The following TTN variants were observed in gnomAD, a reference collection of about 807,000 sequenced individuals.
TTN encodes the protein titin.
TTN carries 1,525 observed loss-of-function variants against 3,223.0 expected under a neutral mutation model. That is an observed-to-expected ratio of 0.47 (90% CI 0.45 to 0.49). The LOEUF is 0.49. TTN is among the 20% of genes least tolerant of loss of function. The pLI is 0.00. For synonymous variants in TTN, 14,094 were observed against 15,161.0 expected (o/e 0.93, Z 5.17); for missense variants, 40,786 against 43,424.0 (o/e 0.94, Z 5.40).
In TTN at chr2:178,553,825, A is replaced by G; in HGVS notation, c.89198-18T>C. On this transcript the variant is annotated intron_variant, in intron 333 of 362. Transcript: ENST00000589042. ...TGGAGGATCTGGAATGGCCATTCAC[A>G]ATAAAATAATTACACAATCATGTAC... The G allele has an allele frequency of 6.4e-7, 1 of 1,568,676 alleles. No individual in the cohort carries two copies. The highest frequency in any genetic ancestry group is 1.4e-5 in the African/African-American group (1 of 73,620).
chr2:178,730,249 C>T lies in TTN; in HGVS notation c.18151G>A (p.Glu6051Lys), dbSNP rs532089368. The T allele has an allele frequency of 1.2e-6, 2 of 1,613,282 alleles. No individual in the cohort carries two copies. Among genetic ancestry groups the T allele is most frequent in the Admixed American group, 3.3e-5 (2 of 59,928 alleles). The change falls in exon 62 of 363, where the codon GAG becomes AAG. Residue 6051 changes from glutamate to lysine, a missense_variant. Glu to Lys is a moderately conservative substitution (Grantham distance 56, BLOSUM62 1). Transcript: ENST00000589042. Reference protein sequence around the residue: ...MTIKWFKDNKELHSGAARSVW... With the variant: ...MTIKWFKDNKKLHSGAARSVW... ...GAGCGGGCTGCTCCTGAGTGTAACT[C>T]TTTGTTATCTTTAAACCACTTTATT...
At position 178,641,291 on chromosome 2, in the gene TTN, T is replaced by C; in HGVS notation, c.40583A>G (p.Glu13528Gly). The C allele has an allele frequency of 6.6e-7, 1 of 1,510,376 alleles. No homozygotes were observed. Among genetic ancestry groups the C allele is most frequent in the Non-Finnish European group, 8.8e-7 (1 of 1,130,554 alleles). 93.6% of individuals were successfully genotyped at this position (1,510,376 alleles called of 1,614,324 possible). A position where few individuals can be genotyped will look rare whatever the true frequency, so the allele number is the denominator to read the frequency against. ...TTTTTTAGGTTCTACTTTAGGTTCT[T>C]CTTCTTCAGGTCTTTTTCTTAGAAC... is the stretch of plus-strand genomic sequence containing the variant. ...KSVLRKRPEEEEPKVEPKKLE... is the reference protein window; with the variant it reads ...KSVLRKRPEEGEPKVEPKKLE... The change falls in exon 220 of 363, where the codon GAA (glutamate) becomes GGA (glycine). Residue 13528 changes from glutamate to glycine, a missense_variant. By Grantham distance (98) the Glu-to-Gly change is moderately conservative. Coordinates refer to ENST00000589042, the MANE Select transcript of TTN (RefSeq NM_001267550.2).
At position 178,594,114 on chromosome 2, in the gene TTN, C is replaced by T; in HGVS notation, c.58279G>A (p.Val19427Met). 6.2e-7 allele frequency: 1 copy of T among 1,613,430 alleles called. No homozygotes were observed. The highest frequency in any genetic ancestry group is 8.5e-7 in the Non-Finnish European group (1 of 1,179,626). ...KVSWFKDEAD[V>M]LEDDRTHIKT... ...ATATGAGTGCGATCATCTTCCAGCA[C>T]ATCAGCTTCATCTTTGAACCAGGAA... The change falls in exon 297 of 363, where the codon GTG (valine) becomes ATG (methionine). Residue 19427 changes from valine to methionine, a missense_variant. Physicochemically the swap from Val to Met is conservative, Grantham distance 21. Transcript: ENST00000589042.
chr2:178,806,021 A>G (rs1171180174), intron 1 of TTN, among the ~76,000 whole-genome samples: 1 of 152,168 alleles, frequency 6.6e-6, no homozygotes, highest in Non-Finnish European at 1.5e-5. Flanking sequence ...CAATCACTTC[A>G]TTACTATTTT....
At chr2:178,588,455 T>A in intron 304 of TTN, 83 bp downstream of exon 304, 1 of 1,406,354 alleles carries the variant, frequency 7.1e-7, no homozygotes, top group Non-Finnish European at 9.5e-7. Context: ...CAGATTTAGA[T>A]GTTACATTAA....
chr2:178,572,562 G>C lies in TTN; in HGVS notation c.73570C>G (p.Gln24524Glu). 6.2e-7 allele frequency: 1 copy of C among 1,613,466 alleles called. No individual in the cohort carries two copies. Among genetic ancestry groups the C allele is most frequent in the Non-Finnish European group, 8.5e-7 (1 of 1,179,616 alleles). Residue 24524 changes from glutamine (Q) to glutamate (E), a missense_variant, in exon 326 of 363, where the codon CAG becomes GAG. Coordinates refer to ENST00000589042, the MANE Select transcript of TTN (RefSeq NM_001267550.2). Reference sequence around the variant, plus strand: ...GTGACCTCTTTTACCTTCAGATCCTGTGGGGGGCCTGGTGTATCGAGAACT... The same window carrying C: ...GTGACCTCTTTTACCTTCAGATCCTCTGGGGGGCCTGGTGTATCGAGAACT... The part of the protein sequence containing the change: ...VRVLDTPGPP[Q>E]DLKVKEVTKT...
In TTN at chr2:178,805,287, T is replaced by G. The variant is rs1212600815; in HGVS notation, c.-13-632A>C. 3.6e-5 allele frequency among the ~76,000 whole-genome samples: 5 copies of G among 139,412 alleles called. No homozygotes were observed. In the East Asian group the frequency reaches 1.0e-3, roughly 29 times the overall value. The allele number at this position is 139,412 out of a possible 152,430, so 91.5% of individuals were successfully genotyped here. The stretch of plus-strand genomic sequence containing the variant: ...TAAACCCAGGAGGTGGAGGTTGCAG[T>G]GAGCAAAGATGGTGCCACCACACTC... On this transcript the variant is annotated intron_variant, in intron 1 of 362. Transcript: ENST00000589042.
rs752902445 is a variant in TTN at position 178,562,341 on chromosome 2, C to T, written c.83791G>A (p.Glu27931Lys). 29 of 1,611,338 alleles carry T rather than the reference C, an allele frequency of 1.8e-5. No homozygotes were observed. The highest frequency in any genetic ancestry group is 6.7e-5 in the Admixed American group (4 of 59,728). Residue 27931 changes from glutamate (E) to lysine (K), a missense_variant, in exon 326 of 363, where the codon GAG becomes AAG. Physicochemically the swap from Glu to Lys is moderately conservative, Grantham distance 56. Transcript: ENST00000589042. ...ATISGLTAGE[E>K]YVFRVAAVNE... ...ACTGCAGCTACCCTGAAGACATACT[C>T]TTCTCCTGCAGTTAAGCCAGATATA... is the stretch of plus-strand genomic sequence containing the variant.
intron 217 of TTN, 45 bp from the exon 218 acceptor site, chr2:178,644,661 T>G: frequency 7.2e-7 from 1 of 1,385,934 alleles, no homozygotes; most frequent in Non-Finnish European, 9.7e-7. Context: ...ATATTTAATC[T>G]GAAGCAAGTG....
rs769574243 is a variant in TTN at position 178,583,895 on chromosome 2, T to C, written c.65287A>G (p.Lys21763Glu). The change falls in exon 312 of 363, where the codon AAA (lysine) becomes GAA (glutamate). Residue 21763 changes from lysine (K) to glutamate (E), a missense_variant. Coordinates refer to ENST00000589042, the MANE Select transcript of TTN (RefSeq NM_001267550.2). Reference sequence around the variant, plus strand: ...TTGGTGACATCAATAACCTCAGGTTTCCCAGGAGGATCTAAAACAAAAAGA... The same window carrying C: ...TTGGTGACATCAATAACCTCAGGTTCCCCAGGAGGATCTAAAACAAAAAGA... ...TARMPVDPPGKPEVIDVTKST... is the reference protein window; with the variant it reads ...TARMPVDPPGEPEVIDVTKST... 1 of 1,573,800 alleles carries C rather than the reference T, an allele frequency of 6.4e-7. No individual in the cohort carries two copies. Among genetic ancestry groups the C allele is most frequent in the Non-Finnish European group, 8.6e-7 (1 of 1,156,284 alleles).
At position 178,587,585 on chromosome 2, in the gene TTN, C is replaced by A; in HGVS notation, c.63724G>T (p.Gly21242Ter). ...TTCACAAGTGTTAAGGAATATTTTC[C>A]TGAGTCATCACGGGTAGAATTGGGG... The part of the protein sequence containing the change: ...VIPNSTRDDS[G>*]KYSLTLVNPA... The change falls in exon 306 of 363, where the codon GGA (glycine) becomes TGA (stop). Residue 21242 changes from glycine (G) to a stop codon, truncating the protein, a stop_gained. Coordinates refer to ENST00000589042, the MANE Select transcript of TTN (RefSeq NM_001267550.2). LOFTEE classifies it high-confidence loss of function. 6.2e-7 allele frequency: 1 copy of A among 1,612,488 alleles called. No homozygotes were observed. The highest frequency in any genetic ancestry group is 8.5e-7 in the Non-Finnish European group (1 of 1,179,300).
rs188542738 is a variant in TTN, at chr2:178,616,367, T to C, written c.48312+112A>G. ...TTAAAAAGTTTTTGTACATTTTCAGTGAGGTAAAGGTAAGAAGTTGTAGCA... is the reference window on the plus strand; with the variant it reads ...TTAAAAAGTTTTTGTACATTTTCAGCGAGGTAAAGGTAAGAAGTTGTAGCA... On this transcript the variant is annotated intron_variant, in intron 257 of 362. Coordinates refer to ENST00000589042, the MANE Select transcript of TTN (RefSeq NM_001267550.2). 1.6e-5 allele frequency: 23 copies of C among 1,424,438 alleles called. No individual in the cohort carries two copies. In the Admixed American group the frequency reaches 3.7e-4, roughly 23 times the overall value. 88.2% of individuals were successfully genotyped at this position (1,424,438 alleles called of 1,614,324 possible).
Position 178,545,358 on chromosome 2 carries a change from T to G in TTN, c.95722+30A>C, listed in dbSNP as rs766943827. Reference sequence around the variant, plus strand: ...ATCTGTCATATAGTTTTGAGGAGCATTGTATTTATGTATGATTCTTGGAGC... The same window carrying G: ...ATCTGTCATATAGTTTTGAGGAGCAGTGTATTTATGTATGATTCTTGGAGC... On this transcript the variant is annotated intron_variant, in intron 344 of 362. Transcript: ENST00000589042. The G allele has an allele frequency of 5.3e-6, 8 of 1,512,800 alleles. No individual in the cohort carries two copies. In the African/African-American group the frequency reaches 9.8e-5, roughly 18 times the overall value. The allele number at this position is 1,512,800 out of a possible 1,614,324, so 93.7% of individuals were successfully genotyped here.
In TTN at chr2:178,632,361, C is replaced by A; in HGVS notation, c.43533G>T (p.Lys14511Asn). 1 of 1,604,384 alleles carries A rather than the reference C, an allele frequency of 6.2e-7. No homozygotes were observed. ...TPLKDVTAKE[K>N]ESAVFTVELS... ...ACTCCACAGTAAATACAGCACTTTC[C>A]TTCTCTTTGGCAGTTACATCTTTGA... Residue 14511 changes from lysine to asparagine, a missense_variant, in exon 236 of 363, where the codon AAG (lysine) becomes AAT (asparagine). By Grantham distance (94) the Lys-to-Asn change is moderately conservative. Transcript: ENST00000589042.
chr2:178,766,470 A>G lies in TTN; in HGVS notation c.9614T>C (p.Met3205Thr), dbSNP rs1315204138. Residue 3205 changes from methionine to threonine, a missense_variant, in exon 41 of 363, where the codon ATG (methionine) becomes ACG (threonine). Met to Thr is a moderately conservative substitution (Grantham distance 81). Transcript: ENST00000589042. ...KYVVERRIHR[M>T]FISETRQSDA... Reference sequence around the variant, plus strand: ...GCTCTGTCTGGTCTCAGAGATAAACATTCGGTGGATTCTTCTTTCCACTAC... The same window carrying G: ...GCTCTGTCTGGTCTCAGAGATAAACGTTCGGTGGATTCTTCTTTCCACTAC... The G allele has an allele frequency of 1.2e-6, 2 of 1,614,026 alleles. No homozygotes were observed. The highest frequency in any genetic ancestry group is 1.6e-4 in the Middle Eastern group (1 of 6,084).
Position 178,536,963 on chromosome 2 carries a change from T to G in TTN, c.100146A>C (p.Ser33382=). ...CAAATGGACTCTTAATGATCACAAC[T>G]GAGGACACTTCTAGAGGGTCACTGA... The part of the protein sequence containing the change: ...FGISDPLEVS[S]VVIIKSPFEK... Residue 33382 remains serine (S), a synonymous_variant, in exon 356 of 363, where the codon TCA becomes TCC. Transcript: ENST00000589042. The G allele has an allele frequency of 6.2e-7, 1 of 1,613,098 alleles. No homozygotes were observed. The highest frequency in any genetic ancestry group is 8.5e-7 in the Non-Finnish European group (1 of 1,179,428).
rs1278288048 is a variant in TTN, at chr2:178,570,916, A to G, written c.75216T>C (p.Val25072=). ...CCCGGAACTCATATCTGTGATCTTC[A>G]ACTAGGCCAGTTACTTCAAAATGAG... The part of the protein sequence containing the change: ...IDTHFEVTGL[V]EDHRYEFRVI... Residue 25072 remains valine (V), a synonymous_variant, in exon 326 of 363, where the codon GTT becomes GTC. Transcript: ENST00000589042. 4 of 1,613,588 alleles carry G rather than the reference A, an allele frequency of 2.5e-6. No individual in the cohort carries two copies. The Admixed American group carries it at 6.7e-5, about 27-fold the overall frequency.
At chr2:178,665,642 C>CCCTA (rs2065799838) in intron 164 of TTN, 66 bp downstream of exon 164, 1 of 1,276,296 alleles carries the variant, frequency 7.8e-7, no homozygotes, top group African/African-American at 1.5e-5. Context: ...TTCTCCAGTT[C>CCCTA]CCTAGCACCC....
chr2:178,548,871 G>A lies in TTN; in HGVS notation c.92755C>T (p.Arg30919Trp), dbSNP rs758074386. The change falls in exon 339 of 363, where the codon CGG becomes TGG. Residue 30919 changes from arginine to tryptophan, a missense_variant. By Grantham distance (101) the Arg-to-Trp change is moderately radical. Transcript: ENST00000589042. This position sits in a 1 kb window ranked among gnomAD's most constrained non-coding sequence, Gnocchi z 4.3. ...EVTGTIKAVD[R>W]LTAPELDIDA... Reference sequence around the variant, plus strand: ...ATGTCTAACTCAGGAGCTGTTAACCGGTCAACTGCTTTAATTGTGCCAGTC... The same window carrying A: ...ATGTCTAACTCAGGAGCTGTTAACCAGTCAACTGCTTTAATTGTGCCAGTC... 13 of 1,613,452 alleles carry A rather than the reference G, an allele frequency of 8.1e-6. No individual in the cohort carries two copies. The East Asian group carries it at 8.9e-5, about 11-fold the overall frequency.
Sources: allele counts gnomAD v4.1 joint callset (sites outside exome capture counted in the v4.1 genomes callset), GRCh38; gene constraint gnomAD v4.1.1; non-coding constraint Gnocchi (gnomAD v3.1); transcripts MANE v1.5; gene names NCBI Gene and HGNC (gene_info 2026-07-23, HGNC 2026-07-21).